ASIC2: variants seen among roughly 807,000 people sequenced by gnomAD.
The protein encoded by ASIC2 is acid sensing ion channel subunit 2, also known as acid-sensing ion channel 2.
Under a neutral mutation model 57.3 loss-of-function variants are expected in ASIC2, and 25 were observed. The observed-to-expected ratio is 0.44, with a 90% CI of 0.32 to 0.61. The LOEUF (loss-of-function observed/expected upper bound fraction) is 0.61. Among genes scored for constraint, ASIC2 ranks in the 20% least tolerant of loss-of-function variants. The pLI is 0.06. For synonymous variants in ASIC2, 319 were observed against 307.5 expected, an observed-to-expected ratio of 1.04 and a Z score of -0.39; for missense variants, 641 against 738.1, an observed-to-expected ratio of 0.87 and a Z score of 1.52.
intron 3 of ASIC2, among the ~76,000 whole-genome samples, chr17:33,074,964 A>C: frequency 6.6e-6 from 1 of 152,138 alleles, no homozygotes; most frequent in East Asian, 1.9e-4. Flanking sequence ...GACAGGTCTG[A>C]TATCAGTTAT....
intron 1 of ASIC2, among the ~76,000 whole-genome samples, chr17:33,572,919 A>G (rs1220898295): frequency 6.6e-6 from 1 of 152,118 alleles, no homozygotes; most frequent in Non-Finnish European, 1.5e-5. Flanking sequence ...ACTGCCTGTG[A>G]CCTCATCTCC....
In ASIC2 at chr17:34,155,465, C is replaced by T. The variant is rs372780227; in HGVS notation, c.555+513G>A. ...TGCTCCAGCAAGCTCCCAAAGCCAC[C>T]GGAGCCAGCCAGACTGCCTGGGCCC... On this transcript the variant is annotated intron_variant, in intron 1 of 9. Transcript: ENST00000359872. The T allele has an allele frequency of 2.5e-5, 4 of 161,424 alleles. No individual in the cohort carries two copies. The South Asian group carries it at 7.3e-4, about 29-fold the overall frequency. The allele number at this position is 161,424 out of a possible 1,614,324, so 10.0% of individuals were successfully genotyped here.
chr17:33,390,515 A>G (rs1255688079), intron 1 of ASIC2, among the ~76,000 whole-genome samples: 1 of 152,212 alleles, frequency 6.6e-6, no homozygotes, highest in African/African-American at 2.4e-5. Context: ...TGTGCAATCC[A>G]GGAATCCAGA....
intron 1 of ASIC2, among the ~76,000 whole-genome samples, chr17:33,422,718 T>C (rs960551547): frequency 6.6e-6 from 1 of 152,160 alleles, no homozygotes; most frequent in Non-Finnish European, 1.5e-5. Flanking sequence ...GCCTCTTTTT[T>C]CCTCTCACAG....
intron 1 of ASIC2, among the ~76,000 whole-genome samples, chr17:34,142,002 TTTG>T (rs1912285090): frequency 6.6e-6 from 1 of 152,150 alleles, no homozygotes; most frequent in Non-Finnish European, 1.5e-5. Flanking sequence ...AATTCAACAT[TTTG>T]TTAATAGCCA....
intron 1 of ASIC2, among the ~76,000 whole-genome samples, chr17:33,925,358 C>T (rs980216879): frequency 1.3e-5 from 2 of 152,236 alleles, no homozygotes; most frequent in African/African-American, 4.8e-5. Context: ...CAATGGTAAC[C>T]CAGAAATCAC....
At chr17:34,117,577 G>A (rs1193514551) in intron 1 of ASIC2, among the ~76,000 whole-genome samples, 2 of 152,186 alleles carry the variant, frequency 1.3e-5, no homozygotes, top group Admixed American at 1.3e-4. Context: ...GTCCAGACTG[G>A]GAAGGGCTTT....
chr17:33,390,507 T>C (rs987957652), intron 1 of ASIC2, among the ~76,000 whole-genome samples: 4 of 152,236 alleles, frequency 2.6e-5, no homozygotes, highest in African/African-American at 9.6e-5. Flanking sequence ...AGAGTTTCTG[T>C]GCAATCCAGG....
rs1038226132 is a variant in ASIC2, at chr17:33,957,559, C to T, written c.555+198419G>A. On this transcript the variant is annotated intron_variant, in intron 1 of 9. Transcript: ENST00000359872. ...CAAGAGAGTGTGTGCAGGGGAACTG[C>T]CCCTTATAAAACCATCAGATCTAAT... Among the ~76,000 whole-genome samples the T allele has an allele frequency of 5.3e-5, 8 of 152,156 alleles. No individual in the cohort carries two copies. The South Asian group carries it at 8.3e-4, about 16-fold the overall frequency.
At chr17:33,453,478 G>C (rs1411980795) in intron 1 of ASIC2, among the ~76,000 whole-genome samples, 5 of 152,166 alleles carry the variant, frequency 3.3e-5, no homozygotes, top group Non-Finnish European at 5.9e-5. Flanking sequence ...GAAGGGATGT[G>C]AAGCGGAAGA....
intron 1 of ASIC2, chr17:34,118,514 G>A (rs943247785): frequency 1.4e-4 from 21 of 152,284 alleles, no homozygotes; most frequent in African/African-American, 5.1e-4. Flanking sequence ...ACCATGCACT[G>A]CCCGTTAGAC....
At chr17:33,488,313 G>A (rs1232079998) in intron 1 of ASIC2, among the ~76,000 whole-genome samples, 3 of 152,056 alleles carry the variant, frequency 2.0e-5, no homozygotes, top group Non-Finnish European at 4.4e-5. Context: ...CCGCACCTTC[G>A]CACAGGCCAT....
Position 33,591,609 on chromosome 17 carries a change from C to A in ASIC2, c.556-479542G>T, listed in dbSNP as rs185980865. Among the ~76,000 whole-genome samples, 823 of 152,286 alleles carry A rather than the reference C, an allele frequency of 5.4e-3. 5 individuals carry two copies. The highest frequency in any genetic ancestry group is 0.028 in the South Asian group (133 of 4,828). ...GTGGGTCTCACAACCCACCATTGCA[C>A]CTGTCTCCTGAGAATTGTTCTCTGC... On this transcript the variant is annotated intron_variant, in intron 1 of 9. Coordinates refer to the ASIC2 transcript ENST00000359872.
At chr17:33,911,011 G>T (rs116847944) in intron 1 of ASIC2, among the ~76,000 whole-genome samples, 2 of 152,172 alleles carry the variant, frequency 1.3e-5, no homozygotes, top group Non-Finnish European at 2.9e-5. Context: ...AAATGTCTTG[G>T]CTTCCTCGGT....
chr17:34,087,774 C>T (rs1230189282), intron 1 of ASIC2, among the ~76,000 whole-genome samples: 1 of 152,106 alleles, frequency 6.6e-6, no homozygotes, highest in Non-Finnish European at 1.5e-5. Flanking sequence ...TCCCTTCTCA[C>T]TTCATTTCAT....
At position 33,610,720 on chromosome 17, in the gene ASIC2, T is replaced by C. The variant is rs139285490; in HGVS notation, c.556-498653A>G. Among the ~76,000 whole-genome samples the C allele has an allele frequency of 9.5e-3, 1,425 of 149,950 alleles. 29 individuals are homozygous for C. The highest frequency in any genetic ancestry group is 0.071 in the East Asian group (368 of 5,160). ...GATTCTGCAATAAATAAATAAAAAA[T>C]AAATAAATAAATAAATAAATAAAAT... On this transcript the variant is annotated intron_variant, in intron 1 of 9. Coordinates refer to the ASIC2 transcript ENST00000359872.
At chr17:33,786,120 C>T (rs1275625104) in intron 1 of ASIC2, among the ~76,000 whole-genome samples, 1 of 152,140 alleles carries the variant, frequency 6.6e-6, no homozygotes, top group Non-Finnish European at 1.5e-5. Flanking sequence ...ATCTGTGCCC[C>T]CCCCTTGATC....
chr17:33,458,650 G>C (rs1179541591), intron 1 of ASIC2, among the ~76,000 whole-genome samples: 1 of 152,146 alleles, frequency 6.6e-6, no homozygotes, highest in Non-Finnish European at 1.5e-5. Context: ...ACAGTCCCTA[G>C]CACAAAACAA....
intron 1 of ASIC2, among the ~76,000 whole-genome samples, chr17:33,599,435 G>T (rs928448486): frequency 2.6e-5 from 4 of 152,164 alleles, no homozygotes; most frequent in Non-Finnish European, 2.9e-5. Flanking sequence ...GCCTTATCTT[G>T]AACATTCTCC....
Sources: allele counts gnomAD v4.1 joint callset (sites outside exome capture counted in the v4.1 genomes callset), GRCh38; gene constraint gnomAD v4.1.1; transcripts MANE v1.5; gene names NCBI Gene and HGNC (gene_info 2026-07-23, HGNC 2026-07-21).